Variants in MCF2L2 observed in about 807,000 individuals in gnomAD.
MCF2L2 encodes MCF.2 cell line derived transforming sequence-like 2, also known as probable guanine nucleotide exchange factor MCF2L2.
In MCF2L2, 102 loss-of-function variants were observed where a neutral mutation model predicts 150.2. The observed-to-expected ratio is 0.68, with a 90% confidence interval of 0.58 to 0.80. The LOEUF is 0.80. Ranked by LOEUF, MCF2L2 falls within the 30% of genes least tolerant of loss-of-function variation. The probability of loss-of-function intolerance (pLI) is 0.00; values close to 1 mark genes in which losing one functional copy is unlikely to be tolerated. For missense variants in MCF2L2, 1,256 were observed against 1,372.8 expected, an observed-to-expected ratio of 0.91 and a Z score of 1.34; for synonymous variants, 465 against 491.3, an observed-to-expected ratio of 0.95 and a Z score of 0.71.
intron 25 of MCF2L2, among the ~76,000 whole-genome samples, chr3:183,198,793 TAGTG>T (rs1560336609): frequency 6.6e-6 from 1 of 152,130 alleles, no homozygotes; most frequent in African/African-American, 2.4e-5. Flanking sequence ...AACACTGACC[TAGTG>T]AGTAAGGATT....
intron 15 of MCF2L2, among the ~76,000 whole-genome samples, chr3:183,273,628 TATG>T (rs1414779044): frequency 5.9e-5 from 9 of 152,240 alleles, no homozygotes; most frequent in African/African-American, 1.9e-4. Context: ...GGATCACATA[TATG>T]ATGATAGTCC....
chr3:183,219,477 G>A (rs1190489190), intron 21 of MCF2L2, among the ~76,000 whole-genome samples: 1 of 152,118 alleles, frequency 6.6e-6, no homozygotes, highest in Non-Finnish European at 1.5e-5. Flanking sequence ...TGTGCATGGT[G>A]GCGGGCACCT....
At chr3:183,416,204 T>C (rs1431895110) in intron 1 of MCF2L2, among the ~76,000 whole-genome samples, 3 of 152,176 alleles carry the variant, frequency 2.0e-5, no homozygotes, top group South Asian at 2.1e-4. Context: ...ACGTATGTTA[T>C]AAACCCAACA....
chr3:183,247,658 T>C (rs1258201115), intron 15 of MCF2L2, among the ~76,000 whole-genome samples: 2 of 152,130 alleles, frequency 1.3e-5, no homozygotes, highest in Non-Finnish European at 2.9e-5. Flanking sequence ...ATATTGAAAA[T>C]ATTAATAAAT....
intron 1 of MCF2L2, among the ~76,000 whole-genome samples, chr3:183,410,267 C>G (rs531553928): frequency 6.6e-6 from 1 of 152,322 alleles, no homozygotes; most frequent in Admixed American, 6.5e-5. Context: ...CAAACTCTCA[C>G]AGCACTATCT....
At chr3:183,284,402 G>T (rs1457733780) in intron 14 of MCF2L2, among the ~76,000 whole-genome samples, 1 of 152,026 alleles carries the variant, frequency 6.6e-6, no homozygotes, top group Admixed American at 6.6e-5. Flanking sequence ...CACCAAACGT[G>T]TAAGTTAAAA....
intron 3 of MCF2L2, among the ~76,000 whole-genome samples, chr3:183,351,154 G>A (rs1378047320): frequency 8.4e-6 from 1 of 119,184 alleles, no homozygotes; most frequent in Non-Finnish European, 1.7e-5. Context: ...AAATAGCAAA[G>A]AAGCATTGTG....
chr3:183,402,586 AG>A (rs1714826984), intron 1 of MCF2L2, among the ~76,000 whole-genome samples: 1 of 151,752 alleles, frequency 6.6e-6, no homozygotes, highest in African/African-American at 2.4e-5. Context: ...AGATCGCTTT[AG>A]CCCAGGAGTT....
intron 15 of MCF2L2, chr3:183,254,734 G>A (rs917458392): frequency 2.0e-5 from 3 of 152,422 alleles, no homozygotes; most frequent in Admixed American, 1.3e-4. Flanking sequence ...GGGCTGGAAA[G>A]AAGAAACCGC....
At chr3:183,376,921 G>A (rs1165220243) in intron 3 of MCF2L2, 6 of 152,106 alleles carry the variant, frequency 3.9e-5, no homozygotes, top group African/African-American at 1.4e-4. Context: ...TTTCACATAG[G>A]AATTCCATCT....
intron 19 of MCF2L2, among the ~76,000 whole-genome samples, chr3:183,223,862 T>C (rs752193656): frequency 1.3e-5 from 2 of 152,218 alleles, no homozygotes; most frequent in African/African-American, 2.4e-5. Flanking sequence ...ATTTTTTACT[T>C]AGTTTCATTT....
intron 1 of MCF2L2, among the ~76,000 whole-genome samples, chr3:183,419,296 G>A (rs1010242642): frequency 6.6e-6 from 1 of 152,198 alleles, no homozygotes; most frequent in Admixed American, 6.5e-5. Flanking sequence ...TAGGCCTCTG[G>A]GACTGTGATG....
In MCF2L2 at chr3:183,179,863, A is replaced by G. The variant is rs1721456419; in HGVS notation, c.3106-171T>C. ...ATGACCGGACACCAGCGCACCGCCA[A>G]GGAGACAGCCACGTGGGGACATGCT... is the stretch of plus-strand genomic sequence containing the variant. On this transcript the variant is annotated intron_variant, in intron 28 of 29. Coordinates refer to ENST00000328913, the MANE Select transcript of MCF2L2 (RefSeq NM_015078.4). The surrounding 1 kb of genome is among the most constrained non-coding windows in gnomAD (Gnocchi z 4.2). 6.6e-6 allele frequency among the ~76,000 whole-genome samples: 1 copy of G among 152,146 alleles called. No individual in the cohort carries two copies. Among genetic ancestry groups the G allele is most frequent in the Non-Finnish European group, 1.5e-5 (1 of 68,016 alleles).
At position 183,193,802 on chromosome 3, in the gene MCF2L2, T is replaced by A. The variant is rs138815980; in HGVS notation, c.2919-706A>T. On this transcript the variant is annotated intron_variant, in intron 26 of 29. Transcript: ENST00000328913. The stretch of plus-strand genomic sequence containing the variant: ...CCAGTGAATAAACACCTACTAAGCA[T>A]TGGAGGTCCAAGAGGAATAAGATAT... Among the ~76,000 whole-genome samples, 23 of 152,312 alleles carry A rather than the reference T, an allele frequency of 1.5e-4. No individual in the cohort carries two copies. In the East Asian group the frequency reaches 4.4e-3, roughly 29 times the overall value.
chr3:183,259,840 CAAG>C (rs781019956), intron 15 of MCF2L2, among the ~76,000 whole-genome samples: 25 of 152,070 alleles, frequency 1.6e-4, no homozygotes, highest in East Asian at 1.4e-3. Flanking sequence ...CTAGTGAGAC[CAAG>C]AAGAAGAAGG....
intron 25 of MCF2L2, among the ~76,000 whole-genome samples, chr3:183,202,662 C>T (rs1226715413): frequency 6.6e-6 from 1 of 152,224 alleles, no homozygotes. Flanking sequence ...GTATTTAGAT[C>T]ACTAAGCTAA....
In MCF2L2 at chr3:183,276,999, AC is replaced by A. The variant is rs1322698414; in HGVS notation, c.1777-43del. 2.3e-6 allele frequency: 3 copies of A among 1,303,048 alleles called. No individual in the cohort carries two copies. In the Admixed American group the frequency reaches 6.0e-5, roughly 26 times the overall value. The allele number at this position is 1,303,048 out of a possible 1,614,324, so 80.7% of individuals were successfully genotyped here. Reference sequence around the variant, plus strand: ...TTTGGTAAGATTTGATATTGTAGGGACCTCCTAATCTATATTTTTCTCTCTC... The same window carrying A: ...TTTGGTAAGATTTGATATTGTAGGGACTCCTAATCTATATTTTTCTCTCTC... On this transcript the variant is annotated intron_variant, in intron 14 of 29. Transcript: ENST00000328913.
At chr3:183,264,124 T>A (rs900030501) in intron 15 of MCF2L2, among the ~76,000 whole-genome samples, 1 of 152,188 alleles carries the variant, frequency 6.6e-6, no homozygotes, top group African/African-American at 2.4e-5. Context: ...TTTCTATGAC[T>A]TCCTGCTGCT....
At chr3:183,342,319 G>A (rs2108542602) in intron 3 of MCF2L2, among the ~76,000 whole-genome samples, 1 of 152,214 alleles carries the variant, frequency 6.6e-6, no homozygotes, top group Non-Finnish European at 1.5e-5. Context: ...TTTGGGGCCT[G>A]GTTCAAACGC....
Sources: allele counts gnomAD v4.1 joint callset (sites outside exome capture counted in the v4.1 genomes callset), GRCh38; gene constraint gnomAD v4.1.1; non-coding constraint Gnocchi (gnomAD v3.1); transcripts MANE v1.5; gene names NCBI Gene and HGNC (gene_info 2026-07-23, HGNC 2026-07-21).